RBFOX1: variants seen among roughly 807,000 people sequenced by gnomAD.
The protein encoded by RBFOX1 is RNA binding protein fox-1 homolog 1.
In RBFOX1, 8 loss-of-function variants were observed where a neutral mutation model predicts 57.7. The observed-to-expected ratio is 0.14, with a 90% CI of 0.08 to 0.25. RBFOX1 has a LOEUF of 0.25. Among genes scored for constraint, RBFOX1 ranks in the 10% least tolerant of loss-of-function variants. The pLI is 1.00. For synonymous variants in RBFOX1, 326 were observed against 222.4 expected (o/e 1.47, Z -4.15); for missense variants, 611 against 548.5 (o/e 1.11, Z -1.14).
intron 4 of RBFOX1, among the ~76,000 whole-genome samples, chr16:7,372,342 GGATCAGACA>G (rs2097582695): frequency 6.6e-6 from 1 of 152,158 alleles, no homozygotes; most frequent in South Asian, 2.1e-4. Context: ...ACCCTGCTTA[GGATCAGACA>G]ACTGCCTAGT....
intron 3 of RBFOX1, among the ~76,000 whole-genome samples, chr16:6,667,073 C>A (rs1385536821): frequency 6.6e-6 from 1 of 152,114 alleles, no homozygotes; most frequent in Non-Finnish European, 1.5e-5. Context: ...TCGTACTTTC[C>A]TCTTTCATTT....
intron 3 of RBFOX1, among the ~76,000 whole-genome samples, chr16:6,812,509 G>A (rs575407233): frequency 6.6e-6 from 1 of 152,152 alleles, no homozygotes; most frequent in African/African-American, 2.4e-5. Flanking sequence ...GAGTAGCTGG[G>A]ATTACAGGCA....
intron 3 of RBFOX1, chr16:6,723,986 T>C (rs926667815): frequency 3.3e-5 from 5 of 152,162 alleles, no homozygotes; most frequent in African/African-American, 9.7e-5. Flanking sequence ...GATTTTCACT[T>C]AACCGTTTGG....
At chr16:7,423,878 C>G (rs1224036546) in intron 4 of RBFOX1, among the ~76,000 whole-genome samples, 2 of 152,160 alleles carry the variant, frequency 1.3e-5, no homozygotes, top group Non-Finnish European at 2.9e-5. Context: ...TGCACATGAG[C>G]TGTCTTTACC....
chr16:5,658,780 A>ATATAATATG, intron 3 of RBFOX1, among the ~76,000 whole-genome samples: 1 of 136,380 alleles, frequency 7.3e-6, no homozygotes, highest in East Asian at 2.0e-4. Flanking sequence ...ATATGTATAT[A>ATATAATATG]TGTATATATA....
chr16:6,119,289 G>A (rs774818240), intron 1 of RBFOX1, among the ~76,000 whole-genome samples: 2 of 152,060 alleles, frequency 1.3e-5, no homozygotes, highest in African/African-American at 2.4e-5. Context: ...ATTATCTGCT[G>A]TTTGACCCTG....
intron 5 of RBFOX1, among the ~76,000 whole-genome samples, chr16:7,569,190 T>A (rs548433267): frequency 1.3e-5 from 2 of 152,342 alleles, no homozygotes; most frequent in African/African-American, 4.8e-5. Flanking sequence ...AGTTTTCTTT[T>A]GCTGTCAGAT....
chr16:7,671,300 A>T (rs12917655), intron 13 of RBFOX1, among the ~76,000 whole-genome samples: 5,162 of 152,308 alleles, frequency 0.034, 178 homozygotes, highest in Non-Finnish European at 0.046. Flanking sequence ...TCTTCTTTAG[A>T]AATAAACACA....
chr16:6,045,917 A>G (rs1166964230), intron 1 of RBFOX1, among the ~76,000 whole-genome samples: 1 of 152,234 alleles, frequency 6.6e-6, no homozygotes, highest in Non-Finnish European at 1.5e-5. Context: ...GCCCTGAAGT[A>G]GGAAAAAGAT....
chr16:6,249,247 G>A (rs1446557042), intron 1 of RBFOX1, among the ~76,000 whole-genome samples: 2 of 151,996 alleles, frequency 1.3e-5, no homozygotes, highest in Non-Finnish European at 2.9e-5. Context: ...TTTGAGAGCA[G>A]GAAAAAAAGA....
At chr16:7,708,207 G>C (rs1598649111) in intron 14 of RBFOX1, among the ~76,000 whole-genome samples, 1 of 151,970 alleles carries the variant, frequency 6.6e-6, no homozygotes, top group South Asian at 2.1e-4. Context: ...GCCCTGTCTA[G>C]TTATGCGACC....
chr16:6,317,348 C>T (rs2081235029), intron 2 of RBFOX1, among the ~76,000 whole-genome samples: 1 of 151,940 alleles, frequency 6.6e-6, no homozygotes, highest in African/African-American at 2.4e-5. Context: ...TTTTTGGTTT[C>T]TTTTTTTCTC....
chr16:6,862,579 A>G (rs1022381958), intron 3 of RBFOX1, among the ~76,000 whole-genome samples: 7 of 152,214 alleles, frequency 4.6e-5, no homozygotes. Context: ...CCAGGAAGAA[A>G]AGAGAGTTCA....
At chr16:7,218,517 C>T (rs2092436964) in intron 4 of RBFOX1, among the ~76,000 whole-genome samples, 1 of 152,066 alleles carries the variant, frequency 6.6e-6, no homozygotes, top group East Asian at 1.9e-4. Flanking sequence ...AACTAGGTGT[C>T]ACTCTTTTAC....
chr16:6,675,126 G>C (rs998158248), intron 3 of RBFOX1, among the ~76,000 whole-genome samples: 9 of 151,956 alleles, frequency 5.9e-5, no homozygotes, highest in Non-Finnish European at 1.2e-4. Flanking sequence ...GGATGGTCTC[G>C]ATCTCTTGAC....
rs114214120 is a variant in RBFOX1 at position 6,135,653 on chromosome 16, C to A, written c.-127+115661C>A. 8.3e-3 allele frequency among the ~76,000 whole-genome samples: 1,256 copies of A among 151,774 alleles called. 20 individuals carry two copies. Among genetic ancestry groups the A allele is most frequent in the African/African-American group, 0.029 (1,204 of 41,364 alleles). ...GTAAATCAGAATGTCTGAAAAAAAACCATGAACACTAATAGTTAATGGAAC... is the reference window on the plus strand; with the variant it reads ...GTAAATCAGAATGTCTGAAAAAAAAACATGAACACTAATAGTTAATGGAAC... On this transcript the variant is annotated intron_variant, in intron 1 of 15. Transcript: ENST00000550418.
chr16:5,624,774 C>T (rs1267017137), intron 3 of RBFOX1, among the ~76,000 whole-genome samples: 1 of 152,222 alleles, frequency 6.6e-6, no homozygotes, highest in African/African-American at 2.4e-5. Flanking sequence ...AGGGACCCTT[C>T]AGGAAGCTCA....
chr16:6,969,401 T>C (rs2085010805), intron 3 of RBFOX1, among the ~76,000 whole-genome samples: 1 of 150,306 alleles, frequency 6.7e-6, no homozygotes, highest in Non-Finnish European at 1.5e-5. Flanking sequence ...TCATGATGCA[T>C]ATTTCACAAT....
chr16:7,243,331 C>T (rs2094151083), intron 4 of RBFOX1, among the ~76,000 whole-genome samples: 1 of 152,158 alleles, frequency 6.6e-6, no homozygotes, highest in African/African-American at 2.4e-5. Flanking sequence ...AACTAGACTT[C>T]TCTGACCTTT....
Sources: gnomAD v4.1 joint callset for allele counts (sites outside exome capture counted in the v4.1 genomes callset) on GRCh38, gnomAD v4.1.1 for gene constraint, MANE v1.5 for transcripts, NCBI Gene and HGNC (gene_info 2026-07-23, HGNC 2026-07-21) for gene names.